Variants in RASEF observed in about 807,000 individuals in gnomAD.
RASEF encodes the protein ras and EF-hand domain-containing protein.
Under a neutral mutation model 90.1 loss-of-function variants are expected in RASEF, and 68 were observed. That is an observed-to-expected ratio of 0.75 (90% CI 0.62 to 0.92). The LOEUF (loss-of-function observed/expected upper bound fraction) is 0.92. Among genes scored for constraint, RASEF ranks in the 40% least tolerant of loss-of-function variants. The pLI, the probability that RASEF is intolerant of heterozygous loss-of-function variation, is 0.00. For synonymous variants in RASEF, 331 were observed against 345.2 expected, an observed-to-expected ratio of 0.96 and a Z score of 0.46; for missense variants, 949 against 937.2, an observed-to-expected ratio of 1.01 and a Z score of -0.16.
At chr9:83,084,096 G>C in the RASEF span, among the ~76,000 whole-genome samples, 1 of 152,042 alleles carries the variant, frequency 6.6e-6, no homozygotes, top group East Asian at 1.9e-4. Context: ...CGTGGTATAA[G>C]TTTAGATGTA....
chr9:83,071,012 T>C, the RASEF span, among the ~76,000 whole-genome samples: 4 of 152,198 alleles, frequency 2.6e-5, no homozygotes, highest in African/African-American at 7.2e-5. Flanking sequence ...GTGGTGGCTG[T>C]TTTATAGAAT....
At chr9:83,089,331 A>AT in the RASEF span, among the ~76,000 whole-genome samples, 1 of 152,094 alleles carries the variant, frequency 6.6e-6, no homozygotes, top group East Asian at 1.9e-4. Flanking sequence ...AACAAAAAAA[A>AT]TTTATACTGT....
chr9:83,087,397 C>T, the RASEF span, among the ~76,000 whole-genome samples: 16 of 144,542 alleles, frequency 1.1e-4, no homozygotes, highest in Middle Eastern at 3.2e-3. Flanking sequence ...TACAAATGTT[C>T]TCATTCATTC....
chr9:83,084,775 C>G, the RASEF span, among the ~76,000 whole-genome samples: 1 of 152,128 alleles, frequency 6.6e-6, no homozygotes, highest in Non-Finnish European at 1.5e-5. Flanking sequence ...GTATGTATGA[C>G]ATTTAGATTT....
Position 83,058,971 on chromosome 9 carries a change from C to T in RASEF, c.431+3466G>A, listed in dbSNP as rs139454798. 3.1e-3 allele frequency among the ~76,000 whole-genome samples: 471 copies of T among 152,264 alleles called. 3 individuals are homozygous for T. The highest frequency in any genetic ancestry group is 0.011 in the African/African-American group (440 of 41,548). On this transcript the variant is annotated intron_variant, in intron 1 of 16. Transcript: ENST00000376447. ...TAGCACTGCCTGGCAGGTCACCCAT[C>T]ACTATACCTGCCACACCCTCAGGTA... is the stretch of plus-strand genomic sequence containing the variant.
chr9:83,149,630 A>C, the RASEF span, among the ~76,000 whole-genome samples: 1 of 152,176 alleles, frequency 6.6e-6, no homozygotes, highest in Non-Finnish European at 1.5e-5. Context: ...GCTTGAACCC[A>C]GTGGCTTTGA....
At chr9:83,048,769 G>C (rs1236573620) in intron 1 of RASEF, 1 of 978,968 alleles carries the variant, frequency 1.0e-6, no homozygotes, top group African/African-American at 1.8e-5. Context: ...GTCCTATATA[G>C]TTCTTGAGGA....
chr9:83,014,988 C>T (rs1209313972), intron 4 of RASEF, among the ~76,000 whole-genome samples: 1 of 152,188 alleles, frequency 6.6e-6, no homozygotes, highest in African/African-American at 2.4e-5. Context: ...ATTAAACAAA[C>T]AAACAAACAA....
the RASEF span, among the ~76,000 whole-genome samples, chr9:83,212,677 C>T: frequency 6.6e-6 from 1 of 152,192 alleles, no homozygotes; most frequent in Non-Finnish European, 1.5e-5. Flanking sequence ...GCTTTGCCTC[C>T]CAGCTCCTCT....
chr9:83,091,999 A>ATTTATTTTTTTTTTTTTTTTTTTT, the RASEF span, among the ~76,000 whole-genome samples: 1 of 17,240 alleles, frequency 5.8e-5, no homozygotes, highest in Admixed American at 5.2e-4. Flanking sequence ...TTTTTCTTTT[A>ATTTATTTTTTTTTTTTTTTTTTTT]TTTCTTTTTT....
chr9:83,211,037 T>TA, the RASEF span, among the ~76,000 whole-genome samples: 6 of 152,372 alleles, frequency 3.9e-5, no homozygotes, highest in East Asian at 9.6e-4. Context: ...GTAACATTGA[T>TA]ACATTATGAC....
At chr9:83,030,104 C>T (rs1215804698) in intron 1 of RASEF, among the ~76,000 whole-genome samples, 2 of 152,290 alleles carry the variant, frequency 1.3e-5, no homozygotes, top group South Asian at 2.1e-4. Flanking sequence ...TGGTGGCTCA[C>T]GCCTGTAATC....
At chr9:83,133,022 C>A in the RASEF span, among the ~76,000 whole-genome samples, 148 of 152,314 alleles carry the variant, frequency 9.7e-4, 2 homozygotes, top group African/African-American at 3.4e-3. Flanking sequence ...CCAGGATGTA[C>A]TGTTCTTCCA....
At chr9:83,128,128 C>CT in the RASEF span, among the ~76,000 whole-genome samples, 2 of 148,978 alleles carry the variant, frequency 1.3e-5, no homozygotes, top group African/African-American at 5.0e-5. Flanking sequence ...TATGAAGCAT[C>CT]TTAGCAATTC....
chr9:83,163,918 C>A, the RASEF span, among the ~76,000 whole-genome samples: 25 of 150,298 alleles, frequency 1.7e-4, no homozygotes, highest in Non-Finnish European at 2.5e-4. Context: ...CTAGATATAT[C>A]ATTTTTAAAC....
chr9:83,184,693 G>T, the RASEF span, among the ~76,000 whole-genome samples: 1 of 152,166 alleles, frequency 6.6e-6, no homozygotes, highest in African/African-American at 2.4e-5. Flanking sequence ...TCTACACCTT[G>T]CTAGGCATTG....
chr9:83,026,748 T>C (rs543703557), intron 1 of RASEF, among the ~76,000 whole-genome samples: 1 of 152,302 alleles, frequency 6.6e-6, no homozygotes, highest in South Asian at 2.1e-4. Context: ...CACATTTTTA[T>C]ATATATTTGC....
chr9:83,030,893 T>G (rs539264182), intron 1 of RASEF, among the ~76,000 whole-genome samples: 2 of 152,322 alleles, frequency 1.3e-5, no homozygotes, highest in South Asian at 4.1e-4. Flanking sequence ...CCTTTCCACC[T>G]TCTCCTTCTT....
At chr9:83,017,395 G>A (rs1311971447) in intron 3 of RASEF, among the ~76,000 whole-genome samples, 1 of 151,926 alleles carries the variant, frequency 6.6e-6, no homozygotes, top group Non-Finnish European at 1.5e-5. Context: ...AGCTACTCGG[G>A]AGGCTGAGGC....
Sources: gnomAD v4.1 joint callset for allele counts (sites outside exome capture counted in the v4.1 genomes callset) on GRCh38, gnomAD v4.1.1 for gene constraint, MANE v1.5 for transcripts, NCBI Gene and HGNC (gene_info 2026-07-23, HGNC 2026-07-21) for gene names.